The following CDC14A variants were observed in gnomAD, a reference collection of about 807,000 sequenced individuals.
CDC14A encodes dual specificity protein phosphatase CDC14A.
A neutral mutation model predicts 74.4 loss-of-function variants in CDC14A; 53 were observed. The observed-to-expected ratio is 0.71, with a 90% CI of 0.57 to 0.89. CDC14A has a LOEUF of 0.89. Among genes scored for constraint, CDC14A ranks in the 40% least tolerant of loss-of-function variants. CDC14A has a pLI of 0.00. For synonymous variants in CDC14A, 247 were observed against 258.4 expected, an observed-to-expected ratio of 0.96 and a Z score of 0.43; for missense variants, 646 against 713.7, an observed-to-expected ratio of 0.91 and a Z score of 1.08.
At chr1:100,362,003 A>G (rs1050699114) in intron 2 of CDC14A, among the ~76,000 whole-genome samples, 2 of 152,302 alleles carry the variant, frequency 1.3e-5, no homozygotes, top group East Asian at 1.9e-4. Context: ...AGGTGAATTC[A>G]AAGTTTCTGG....
intron 10 of CDC14A, among the ~76,000 whole-genome samples, chr1:100,474,989 T>C (rs1010721204): frequency 3.3e-5 from 5 of 152,154 alleles, no homozygotes; most frequent in African/African-American, 1.2e-4. Context: ...TTTACTTAAG[T>C]GCTTTCTCAA....
At chr1:100,372,001 T>C (rs1421027343) in intron 2 of CDC14A, among the ~76,000 whole-genome samples, 1 of 152,176 alleles carries the variant, frequency 6.6e-6, no homozygotes, top group African/African-American at 2.4e-5. Flanking sequence ...ATAAAGCAAA[T>C]ACTGCAACAA....
chr1:100,420,063 C>CACTAT, intron 4 of CDC14A, among the ~76,000 whole-genome samples: 8 of 61,596 alleles, frequency 1.3e-4, no homozygotes, highest in Admixed American at 6.9e-4. Context: ...CACACACACA[C>CACTAT]ATATATATAT....
At chr1:100,345,276 A>C (rs1220598066) in intron 1 of CDC14A, 1 of 152,232 alleles carries the variant, frequency 6.6e-6, no homozygotes, top group Non-Finnish European at 1.5e-5. Context: ...GACTTGTGAA[A>C]ATTAGATTTT....
intron 2 of CDC14A, among the ~76,000 whole-genome samples, chr1:100,360,767 T>C (rs1652649785): frequency 6.6e-6 from 1 of 152,200 alleles, no homozygotes; most frequent in African/African-American, 2.4e-5. Context: ...ATCTTCATAA[T>C]GATAAATTAT....
At chr1:100,485,567 A>G (rs1669943360) in intron 11 of CDC14A, among the ~76,000 whole-genome samples, 1 of 152,154 alleles carries the variant, frequency 6.6e-6, no homozygotes, top group African/African-American at 2.4e-5. Flanking sequence ...CGTCTAAAAA[A>G]GTAAAAAAGA....
At chr1:100,492,162 A>G (rs1396733483) in intron 11 of CDC14A, among the ~76,000 whole-genome samples, 2 of 152,232 alleles carry the variant, frequency 1.3e-5, no homozygotes, top group East Asian at 3.8e-4. Flanking sequence ...TGAGAGAAAA[A>G]TACATGCAAA....
chr1:100,501,169 G>A (rs925066889), intron 15 of CDC14A, among the ~76,000 whole-genome samples: 1 of 152,110 alleles, frequency 6.6e-6, no homozygotes, highest in Non-Finnish European at 1.5e-5. Flanking sequence ...AGGATTAGAT[G>A]TAAAAAGATA....
At chr1:100,492,073 G>A (rs1233462741) in intron 11 of CDC14A, among the ~76,000 whole-genome samples, 1 of 151,984 alleles carries the variant, frequency 6.6e-6, no homozygotes, top group African/African-American at 2.4e-5. Context: ...GCTGTGTATT[G>A]TAGTATTTTT....
intron 4 of CDC14A, among the ~76,000 whole-genome samples, chr1:100,409,060 AAG>A (rs905992091): frequency 3.2e-4 from 48 of 152,328 alleles, no homozygotes; most frequent in African/African-American, 1.2e-3. Flanking sequence ...TTACAAAAGA[AAG>A]AGGCTTAATG....
chr1:100,508,952 A>G lies in CDC14A; in HGVS notation c.1756-9299A>G, dbSNP rs189357250. On this transcript the variant is annotated intron_variant, in intron 15 of 15. Coordinates refer to ENST00000336454, the MANE Select transcript of CDC14A (RefSeq NM_003672.4). This position sits in a 1 kb window ranked among gnomAD's most constrained non-coding sequence, Gnocchi z 4.4. ...TGCATGCATCCAGAGGGTAGTTTGG[A>G]GTGTACCATCTCGACATGAAGTAGG... 2.5e-4 allele frequency among the ~76,000 whole-genome samples: 38 copies of G among 152,182 alleles called. No individual in the cohort carries two copies. Among genetic ancestry groups the G allele is most frequent in the African/African-American group, 9.2e-4 (38 of 41,510 alleles).
At chr1:100,390,172 T>G (rs182485865) in intron 3 of CDC14A, among the ~76,000 whole-genome samples, 17 of 152,332 alleles carry the variant, frequency 1.1e-4, no homozygotes, top group African/African-American at 4.1e-4. Flanking sequence ...TTAAGATGTT[T>G]GCTGATATAA....
At chr1:100,456,431 C>CG (rs1553188032) in intron 8 of CDC14A, among the ~76,000 whole-genome samples, 9 of 149,856 alleles carry the variant, frequency 6.0e-5, no homozygotes, top group African/African-American at 1.5e-4. Flanking sequence ...CAAAATATCC[C>CG]CCCCCCTTTT....
intron 4 of CDC14A, among the ~76,000 whole-genome samples, chr1:100,406,931 A>AAAT (rs1491352692): frequency 7.5e-6 from 1 of 133,232 alleles, no homozygotes; most frequent in African/African-American, 3.0e-5. Context: ...TGTCTCAAAT[A>AAAT]AAAAAAAAAA....
chr1:100,496,254 G>A (rs913415210), intron 13 of CDC14A, among the ~76,000 whole-genome samples: 10 of 150,872 alleles, frequency 6.6e-5, no homozygotes, highest in Non-Finnish European at 1.3e-4. Flanking sequence ...CATGCCCACA[G>A]GACTGTGTGG....
intron 1 of CDC14A, among the ~76,000 whole-genome samples, chr1:100,345,891 G>T (rs190155277): frequency 6.6e-6 from 1 of 152,100 alleles, no homozygotes. Flanking sequence ...TTTAGATTAC[G>T]GCTGGGGGTG....
At chr1:100,459,079 C>A (rs1007602054) in intron 8 of CDC14A, among the ~76,000 whole-genome samples, 8 of 111,706 alleles carry the variant, frequency 7.2e-5, no homozygotes, top group Admixed American at 5.8e-4. Context: ...ATTCTCACTT[C>A]TATTTAAACA....
intron 4 of CDC14A, among the ~76,000 whole-genome samples, chr1:100,414,333 AC>A (rs1308096582): frequency 4.6e-5 from 7 of 152,172 alleles, no homozygotes; most frequent in Non-Finnish European, 1.0e-4. Flanking sequence ...ACAAAACAAA[AC>A]AAAAAACCGC....
chr1:100,437,529 C>G (rs572942323), intron 5 of CDC14A, among the ~76,000 whole-genome samples: 1 of 152,186 alleles, frequency 6.6e-6, no homozygotes, highest in Non-Finnish European at 1.5e-5. Context: ...TATTGCATTC[C>G]TTATTAGATT....
Sources: allele counts gnomAD v4.1 joint callset (sites outside exome capture counted in the v4.1 genomes callset), GRCh38; gene constraint gnomAD v4.1.1; non-coding constraint Gnocchi (gnomAD v3.1); transcripts MANE v1.5; gene names NCBI Gene and HGNC (gene_info 2026-07-23, HGNC 2026-07-21).